TMEM108: variants seen among roughly 807,000 people sequenced by gnomAD.
The protein encoded by TMEM108 is cancer/testis antigen 124.
TMEM108 carries 12 observed loss-of-function variants against 35.1 expected under a neutral mutation model. The ratio of observed to expected loss-of-function variants is 0.34; its 90% CI spans 0.22 to 0.55. The LOEUF (loss-of-function observed/expected upper bound fraction) is 0.55. Among genes scored for constraint, TMEM108 ranks in the 20% least tolerant of loss-of-function variants. The probability of loss-of-function intolerance (pLI) is 0.89; values close to 1 mark genes in which losing one functional copy is unlikely to be tolerated. For synonymous variants in TMEM108, 287 were observed against 308.6 expected (o/e 0.93, Z 0.73); for missense variants, 680 against 753.3 (o/e 0.90, Z 1.14).
chr3:133,244,445 C>A (rs1946356639), intron 3 of TMEM108, among the ~76,000 whole-genome samples: 1 of 152,158 alleles, frequency 6.6e-6, no homozygotes, highest in African/African-American at 2.4e-5. Context: ...TATGGAGGTT[C>A]CATGTAAGGG....
intron 4 of TMEM108, chr3:133,389,540 C>T (rs1247643905): frequency 2.1e-5 from 6 of 286,520 alleles, no homozygotes; most frequent in Non-Finnish European, 2.6e-5. Context: ...AAAAATTAGC[C>T]AGACATGGTG....
At chr3:133,165,534 T>C (rs1945024533) in intron 2 of TMEM108, among the ~76,000 whole-genome samples, 1 of 152,246 alleles carries the variant, frequency 6.6e-6, no homozygotes, top group African/African-American at 2.4e-5. Flanking sequence ...CATATCTCAC[T>C]TTTTGGAAAA....
At chr3:133,116,917 G>T (rs1446076699) in intron 2 of TMEM108, among the ~76,000 whole-genome samples, 1 of 152,110 alleles carries the variant, frequency 6.6e-6, no homozygotes, top group African/African-American at 2.4e-5. Flanking sequence ...CTACGGGCGT[G>T]CACTACCACA....
At position 133,137,965 on chromosome 3, in the gene TMEM108, A is replaced by G. The variant is rs185624456; in HGVS notation, c.-46-91301A>G. On this transcript the variant is annotated intron_variant, in intron 2 of 5. Coordinates refer to ENST00000321871, the MANE Select transcript of TMEM108 (RefSeq NM_023943.4). ...ACTTGCTTGAACAAGCAGAATTTAC[A>G]ATAAGAGGGCTTGAGAACATGAATG... Among the ~76,000 whole-genome samples the G allele has an allele frequency of 3.9e-5, 6 of 152,332 alleles. No individual in the cohort carries two copies. In the East Asian group the frequency reaches 1.2e-3, roughly 29 times the overall value.
chr3:133,111,044 C>T (rs1944218140), intron 2 of TMEM108, among the ~76,000 whole-genome samples: 1 of 152,080 alleles, frequency 6.6e-6, no homozygotes, highest in African/African-American at 2.4e-5. Flanking sequence ...GACCTACTGC[C>T]CCTTGGGTAT....
intron 2 of TMEM108, among the ~76,000 whole-genome samples, chr3:133,166,480 G>A (rs1481594960): frequency 1.3e-5 from 2 of 152,220 alleles, no homozygotes; most frequent in Non-Finnish European, 2.9e-5. Context: ...TCTTAAAGAT[G>A]GTGTGTCCGG....
rs1344088200 is a variant in TMEM108, at chr3:133,229,335, C to G, written c.24C>G (p.Leu8=). 2 of 1,613,062 alleles carry G rather than the reference C, an allele frequency of 1.2e-6. No individual in the cohort carries two copies. Among genetic ancestry groups the G allele is most frequent in the Non-Finnish European group, 1.7e-6 (2 of 1,179,548 alleles). Residue 8 remains leucine (L), a synonymous_variant, in exon 3 of 6, where the codon CTC becomes CTG. Coordinates refer to ENST00000321871, the MANE Select transcript of TMEM108 (RefSeq NM_023943.4). MKRSLQA[L]YCQLLSFLLI... ...CCATGAAGAGAAGTTTACAGGCCCT[C>G]TATTGCCAACTGTTAAGTAAGTTGA...
intron 2 of TMEM108, among the ~76,000 whole-genome samples, chr3:133,135,568 T>C (rs1438561632): frequency 6.6e-6 from 1 of 151,944 alleles, no homozygotes; most frequent in African/African-American, 2.4e-5. Context: ...CAACAGGGAA[T>C]TGGGGGAGGT....
At chr3:133,283,426 C>T (rs1946943027) in intron 3 of TMEM108, among the ~76,000 whole-genome samples, 1 of 152,178 alleles carries the variant, frequency 6.6e-6, no homozygotes. Context: ...CCTGTCATTT[C>T]AGTTTTATTC....
intron 3 of TMEM108, among the ~76,000 whole-genome samples, chr3:133,264,533 G>A (rs139853276): frequency 1.4e-4 from 21 of 152,208 alleles, no homozygotes; most frequent in East Asian, 3.9e-4. Flanking sequence ...ATGTAACACC[G>A]TTTTGTAGCA....
chr3:133,197,166 T>C (rs1945590589), intron 2 of TMEM108, among the ~76,000 whole-genome samples: 1 of 152,200 alleles, frequency 6.6e-6, no homozygotes, highest in African/African-American at 2.4e-5. Context: ...ATATTAGTCA[T>C]AGTTTGTTCA....
intron 4 of TMEM108, chr3:133,386,291 T>G: frequency 2.0e-6 from 2 of 997,248 alleles, no homozygotes; most frequent in South Asian, 1.5e-5. Context: ...ACAGTGATGA[T>G]TATTCATCTT....
intron 3 of TMEM108, chr3:133,257,015 C>A (rs1165026819): frequency 6.6e-6 from 1 of 152,212 alleles, no homozygotes; most frequent in Non-Finnish European, 1.5e-5. Flanking sequence ...GAAACAGTGC[C>A]TGTACTTACC....
intron 3 of TMEM108, among the ~76,000 whole-genome samples, chr3:133,323,696 A>G (rs1446558517): frequency 1.3e-5 from 2 of 152,208 alleles, no homozygotes; most frequent in Non-Finnish European, 2.9e-5. Flanking sequence ...ATATGGAACC[A>G]TAAAAGACCC....
At chr3:133,234,264 G>T (rs959457939) in intron 3 of TMEM108, among the ~76,000 whole-genome samples, 4 of 152,172 alleles carry the variant, frequency 2.6e-5, no homozygotes, top group Admixed American at 1.3e-4. Flanking sequence ...CATATGGCTA[G>T]CCAGTTTTCC....
At chr3:133,231,833 T>C (rs933632326) in intron 3 of TMEM108, among the ~76,000 whole-genome samples, 3 of 152,216 alleles carry the variant, frequency 2.0e-5, no homozygotes, top group Non-Finnish European at 4.4e-5. Flanking sequence ...GTGCCTACTA[T>C]GTTCACAAGG....
At chr3:133,382,775 C>G (rs1576536972) in intron 4 of TMEM108, among the ~76,000 whole-genome samples, 1 of 152,164 alleles carries the variant, frequency 6.6e-6, no homozygotes, top group Admixed American at 6.5e-5. Context: ...TAATGCGAAC[C>G]ATGATTTCCA....
chr3:133,185,784 C>CTTTTCTTTTTTTTTTTTTTT (rs1441056931), intron 2 of TMEM108, among the ~76,000 whole-genome samples: 5 of 127,094 alleles, frequency 3.9e-5, no homozygotes, highest in Non-Finnish European at 8.2e-5. Context: ...CTTTTCTTTT[C>CTTTTCTTTTTTTTTTTTTTT]TTTTTTTTTT....
chr3:133,179,097 C>G (rs1359420537), intron 2 of TMEM108, among the ~76,000 whole-genome samples: 18 of 151,928 alleles, frequency 1.2e-4, no homozygotes, highest in African/African-American at 1.7e-4. Flanking sequence ...AAATCAAAAC[C>G]ACAATGAGAT....
Sources: allele counts gnomAD v4.1 joint callset (sites outside exome capture counted in the v4.1 genomes callset), GRCh38; gene constraint gnomAD v4.1.1; transcripts MANE v1.5; gene names NCBI Gene and HGNC (gene_info 2026-07-23, HGNC 2026-07-21).